CLEC2D: variants seen among roughly 807,000 people sequenced by gnomAD.
The protein encoded by CLEC2D is C-type lectin related f.
In CLEC2D, 16 loss-of-function variants were observed where a neutral mutation model predicts 20.0. The ratio of observed to expected loss-of-function variants is 0.80; its 90% CI spans 0.54 to 1.22. The LOEUF (loss-of-function observed/expected upper bound fraction) is 1.22. Among genes scored for constraint, CLEC2D ranks in the 50% most tolerant of loss-of-function variants. The probability of loss-of-function intolerance (pLI) is 0.00; values close to 1 mark genes in which losing one functional copy is unlikely to be tolerated. For synonymous variants in CLEC2D, 77 were observed against 71.1 expected (o/e 1.08, Z -0.42); for missense variants, 207 against 221.5 (o/e 0.93, Z 0.42).
At chr12:9,675,125 G>A (rs1380572135) in intron 1 of CLEC2D, among the ~76,000 whole-genome samples, 6 of 150,926 alleles carry the variant, frequency 4.0e-5, no homozygotes, top group Admixed American at 3.9e-4. Context: ...ATATTTATCT[G>A]GGTCTATTTC....
intron 4 of CLEC2D, chr12:9,693,206 G>A (rs1405404985): frequency 1.1e-6 from 1 of 915,198 alleles, no homozygotes; most frequent in Non-Finnish European, 1.8e-6. Flanking sequence ...ATATCTTTAA[G>A]TCTGTTCCTT....
Position 9,698,115 on chromosome 12 carries a change from C to T in CLEC2D, c.*3241C>T, listed in dbSNP as rs1866042378. The T allele has an allele frequency of 6.6e-6, 1 of 152,062 alleles. No individual in the cohort carries two copies. Among genetic ancestry groups the T allele is most frequent in the Admixed American group, 6.6e-5 (1 of 15,244 alleles). The allele number at this position is 152,062 out of a possible 1,614,324, so 9.4% of individuals were successfully genotyped here. On this transcript the variant is annotated 3_prime_UTR_variant, in exon 5 of 5. Transcript: ENST00000290855. The stretch of plus-strand genomic sequence containing the variant: ...ATATTTTTATTTTTTAAATTTTTAG[C>T]TGACAACTGTATAATTATGGAATAC...
intron 2 of CLEC2D, among the ~76,000 whole-genome samples, chr12:9,684,383 ACCTGATTG>A (rs1454471989): frequency 6.6e-6 from 1 of 151,854 alleles, no homozygotes. Context: ...TCTTTCTTTT[ACCTGATTG>A]CCCTGACTAG....
At chr12:9,688,756 G>T (rs1452707022) in intron 3 of CLEC2D, among the ~76,000 whole-genome samples, 1 of 152,082 alleles carries the variant, frequency 6.6e-6, no homozygotes, top group Non-Finnish European at 1.5e-5. Flanking sequence ...AAGCAAGAAT[G>T]ATGTCATAGA....
rs1024989645 is a variant in CLEC2D, at chr12:9,695,852, CTGCTGA to C, written c.*981_*986del. ...CAGAAAAAAGTAAAACTTGCTGCTG[CTGCTGA>C]TGATGATGATGATGAAGATGATGAT... On this transcript the variant is annotated 3_prime_UTR_variant, in exon 5 of 5. Transcript: ENST00000290855. 14 of 982,622 alleles carry C rather than the reference CTGCTGA, an allele frequency of 1.4e-5. No homozygotes were observed. Among genetic ancestry groups the C allele is most frequent in the African/African-American group, 3.2e-5 (2 of 62,628 alleles). The allele number at this position is 982,622 out of a possible 1,614,324, so 60.9% of individuals were successfully genotyped here. A position where few individuals can be genotyped will look rare whatever the true frequency, so the allele number is the denominator to read the frequency against.
intron 1 of CLEC2D, among the ~76,000 whole-genome samples, chr12:9,673,242 G>A (rs1038887442): frequency 2.6e-5 from 4 of 152,126 alleles, no homozygotes; most frequent in African/African-American, 7.2e-5. Flanking sequence ...CTTTGAATGG[G>A]GTTTTTGTGG....
At chr12:9,678,134 CTT>C (rs1014438818) in intron 1 of CLEC2D, among the ~76,000 whole-genome samples, 11 of 152,286 alleles carry the variant, frequency 7.2e-5, no homozygotes, top group African/African-American at 2.6e-4. Flanking sequence ...TAAATACTCT[CTT>C]GTTAGGTGCG....
chr12:9,695,518 A>G lies in CLEC2D; in HGVS notation c.*644A>G. ...AAAATGAGACCAGTTATCTTTAAGA[A>G]CGGTCAGCTCAGGGGCTGGTGCAAA... On this transcript the variant is annotated 3_prime_UTR_variant, in exon 5 of 5. Transcript: ENST00000290855. The G allele has an allele frequency of 1.6e-6, 2 of 1,254,444 alleles. No individual in the cohort carries two copies. The allele number at this position is 1,254,444 out of a possible 1,614,324, so 77.7% of individuals were successfully genotyped here. A position where few individuals can be genotyped will look rare whatever the true frequency, so the allele number is the denominator to read the frequency against.
chr12:9,696,286 C>T lies in CLEC2D; in HGVS notation c.*1412C>T, dbSNP rs1053596195. Reference sequence around the variant, plus strand: ...TTTCCATCTTATTTCATTTCTGTAACAGTTGATATCTGGCTGTCCTTTTTA... The same window carrying T: ...TTTCCATCTTATTTCATTTCTGTAATAGTTGATATCTGGCTGTCCTTTTTA... On this transcript the variant is annotated 3_prime_UTR_variant, in exon 5 of 5. Transcript: ENST00000290855. 73 of 709,310 alleles carry T rather than the reference C, an allele frequency of 1.0e-4. 1 individual carries two copies. The highest frequency in any genetic ancestry group is 7.0e-4 in the South Asian group (50 of 71,064). 43.9% of individuals were successfully genotyped at this position (709,310 alleles called of 1,614,324 possible). A position where few individuals can be genotyped will look rare whatever the true frequency, so the allele number is the denominator to read the frequency against.
At position 9,689,626 on chromosome 12, in the gene CLEC2D, A is replaced by G. The variant is rs866815793; in HGVS notation, c.357+1540A>G. ...CTAAAGGAAACCGAAAACATAATAA[A>G]TGAACAAAATTAGAATATCAATATA... On this transcript the variant is annotated intron_variant, in intron 3 of 4. Transcript: ENST00000290855. Among the ~76,000 whole-genome samples, 6 of 152,280 alleles carry G rather than the reference A, an allele frequency of 3.9e-5. No homozygotes were observed. The South Asian group carries it at 1.2e-3, about 32-fold the overall frequency.
chr12:9,682,034 T>C (rs1382311382), intron 2 of CLEC2D, among the ~76,000 whole-genome samples: 1 of 152,162 alleles, frequency 6.6e-6, no homozygotes, highest in Non-Finnish European at 1.5e-5. Context: ...AATTTATAGC[T>C]CTTTTTTTTA....
At chr12:9,688,294 C>T (rs1328656706) in intron 3 of CLEC2D, 29 of 1,013,818 alleles carry the variant, frequency 2.9e-5, no homozygotes, top group Non-Finnish European at 3.5e-5. Context: ...GTGGCAGGAA[C>T]AGGCCCAGAG....
intron 2 of CLEC2D, among the ~76,000 whole-genome samples, chr12:9,685,162 A>G (rs1207129878): frequency 6.6e-6 from 1 of 152,176 alleles, no homozygotes; most frequent in Non-Finnish European, 1.5e-5. Flanking sequence ...GGGTATCACC[A>G]GCAAAGGCTG....
intron 2 of CLEC2D, among the ~76,000 whole-genome samples, chr12:9,686,688 G>A (rs1204557222): frequency 6.6e-6 from 1 of 152,142 alleles, no homozygotes; most frequent in Non-Finnish European, 1.5e-5. Flanking sequence ...AATAGAAGAT[G>A]AACTGGTAGC....
intron 2 of CLEC2D, among the ~76,000 whole-genome samples, chr12:9,683,335 G>GTTTTTTTTTTTTT (rs1357039664): frequency 4.4e-4 from 5 of 11,272 alleles, no homozygotes; most frequent in African/African-American, 6.2e-4. Context: ...TTTTGTGTTT[G>GTTTTTTTTTTTTT]TTTTTTTTTT....
At chr12:9,673,322 T>C (rs1565463438) in intron 1 of CLEC2D, among the ~76,000 whole-genome samples, 2 of 152,268 alleles carry the variant, frequency 1.3e-5, no homozygotes, top group Admixed American at 6.5e-5. Flanking sequence ...TCAGCCTTTC[T>C]GAGGCAAGTC....
Position 9,695,302 on chromosome 12 carries a change from C to T in CLEC2D, c.*428C>T, listed in dbSNP as rs1017350587. Reference sequence around the variant, plus strand: ...AGTATGGGGCTCCCTGGTGTGATTCCGTCCTGCGCGGCTGTTCTCTGGAGC... The same window carrying T: ...AGTATGGGGCTCCCTGGTGTGATTCTGTCCTGCGCGGCTGTTCTCTGGAGC... On this transcript the variant is annotated 3_prime_UTR_variant, in exon 5 of 5. Coordinates refer to ENST00000290855, the MANE Select transcript of CLEC2D (RefSeq NM_013269.6). The T allele has an allele frequency of 3.4e-5, 26 of 761,426 alleles. No homozygotes were observed. Among genetic ancestry groups the T allele is most frequent in the East Asian group, 1.5e-4 (6 of 39,814 alleles). The allele number at this position is 761,426 out of a possible 1,614,324, so 47.2% of individuals were successfully genotyped here.
At chr12:9,682,935 A>G (rs1239731796) in intron 2 of CLEC2D, among the ~76,000 whole-genome samples, 1 of 152,186 alleles carries the variant, frequency 6.6e-6, no homozygotes, top group Non-Finnish European at 1.5e-5. Flanking sequence ...ATTTTCCAAA[A>G]TGGTTGAACT....
intron 2 of CLEC2D, among the ~76,000 whole-genome samples, chr12:9,686,295 G>T (rs1342754744): frequency 6.6e-6 from 1 of 151,844 alleles, no homozygotes; most frequent in African/African-American, 2.4e-5. Context: ...TTTCTAATCA[G>T]CCATCTTGCC....
Sources: gnomAD v4.1 joint callset for allele counts (sites outside exome capture counted in the v4.1 genomes callset) on GRCh38, gnomAD v4.1.1 for gene constraint, MANE v1.5 for transcripts, NCBI Gene and HGNC (gene_info 2026-07-23, HGNC 2026-07-21) for gene names.